Variants in MYO1E observed in about 807,000 individuals in gnomAD.
MYO1E encodes myosin IE, also known as unconventional myosin-Ie.
A neutral mutation model predicts 151.1 loss-of-function variants in MYO1E; 68 were observed. The ratio of observed to expected loss-of-function variants is 0.45; its 90% confidence interval spans 0.37 to 0.55. The LOEUF (loss-of-function observed/expected upper bound fraction) is 0.55, where lower values mean the gene tolerates loss of function less well. Among genes scored for constraint, MYO1E ranks in the 20% least tolerant of loss-of-function variants. MYO1E has a pLI of 0.00. For missense variants in MYO1E, 1,363 were observed against 1,389.3 expected, an observed-to-expected ratio of 0.98 and a Z score of 0.30; for synonymous variants, 601 against 501.7, an observed-to-expected ratio of 1.20 and a Z score of -2.64.
intron 1 of MYO1E, among the ~76,000 whole-genome samples, chr15:59,341,097 T>G (rs1408082198): frequency 6.6e-6 from 1 of 152,122 alleles, no homozygotes; most frequent in Non-Finnish European, 1.5e-5. Flanking sequence ...TTTTAATTTT[T>G]GGGCATATAT....
intron 8 of MYO1E, among the ~76,000 whole-genome samples, chr15:59,224,227 G>C (rs1339605333): frequency 1.3e-5 from 2 of 152,154 alleles, no homozygotes; most frequent in African/African-American, 4.8e-5. Flanking sequence ...ACAGAAAAAG[G>C]GTCCTCTGCC....
In MYO1E at chr15:59,138,427, G is replaced by A. The variant is rs1348494003; in HGVS notation, c.3081-60C>T. On this transcript the variant is annotated intron_variant, in intron 26 of 27. Transcript: ENST00000288235. ...CAACAGGGGGCAGCAGCACCGAACG[G>A]TGGTTTGGAGCATGGCGGCCGGCAC... 4 of 1,587,944 alleles carry A rather than the reference G, an allele frequency of 2.5e-6. No homozygotes were observed. The East Asian group carries it at 6.7e-5, about 27-fold the overall frequency.
chr15:59,208,980 T>A, intron 13 of MYO1E, 132 bp from the exon 14 acceptor site: 1 of 1,111,368 alleles, frequency 9.0e-7, no homozygotes, highest in Non-Finnish European at 1.3e-6. Context: ...GTATTCCCCT[T>A]CAGGCAAGAA....
At chr15:59,228,920 T>C (rs997823793) in intron 6 of MYO1E, among the ~76,000 whole-genome samples, 6 of 152,228 alleles carry the variant, frequency 3.9e-5, no homozygotes, top group African/African-American at 1.2e-4. Flanking sequence ...TAACTGTCTA[T>C]GTGTCTTAAT....
At chr15:59,247,610 T>C (rs2080138057) in intron 4 of MYO1E, among the ~76,000 whole-genome samples, 1 of 152,184 alleles carries the variant, frequency 6.6e-6, no homozygotes, top group South Asian at 2.1e-4. Context: ...CTGATGGTGC[T>C]AACAGCAAGA....
At position 59,136,531 on chromosome 15, in the gene MYO1E, A is replaced by G. The variant is rs2079374030; in HGVS notation, c.*849T>C. The G allele has an allele frequency of 3.1e-6, 1 of 321,718 alleles. No homozygotes were observed. The highest frequency in any genetic ancestry group is 6.2e-6 in the Non-Finnish European group (1 of 160,100). The allele number at this position is 321,718 out of a possible 1,614,324, so 19.9% of individuals were successfully genotyped here. A position where few individuals can be genotyped will look rare whatever the true frequency, so the allele number is the denominator to read the frequency against. ...TTTAAGTACCTGGTGTGAGTTTTGT[A>G]AGAAAACCTACCTTATGAATGAGTA... On this transcript the variant is annotated 3_prime_UTR_variant, in exon 28 of 28. Coordinates refer to ENST00000288235, the MANE Select transcript of MYO1E (RefSeq NM_004998.4).
intron 3 of MYO1E, among the ~76,000 whole-genome samples, chr15:59,260,688 A>G (rs1245771568): frequency 6.6e-6 from 1 of 152,194 alleles, no homozygotes; most frequent in Non-Finnish European, 1.5e-5. Context: ...ATGAAGTAAT[A>G]CAAGATTCAT....
At chr15:59,216,693 C>T (rs1243456734) in intron 10 of MYO1E, among the ~76,000 whole-genome samples, 22 of 9,110 alleles carry the variant, frequency 2.4e-3, no homozygotes, top group South Asian at 6.6e-3. Context: ...TATACACATA[C>T]ACACACACAC....
intron 1 of MYO1E, among the ~76,000 whole-genome samples, chr15:59,280,441 A>G (rs1022183369): frequency 6.6e-6 from 1 of 152,096 alleles, no homozygotes; most frequent in Admixed American, 6.6e-5. Context: ...CCTGGTCAAC[A>G]TTGTGAAACC....
chr15:59,172,033 G>C lies in MYO1E; in HGVS notation c.2344C>G (p.Arg782Gly). Residue 782 changes from arginine to glycine, a missense_variant, in exon 22 of 28, where the codon CGA becomes GGA. Physicochemically the swap from Arg to Gly is moderately radical, Grantham distance 125. Coordinates refer to ENST00000288235, the MANE Select transcript of MYO1E (RefSeq NM_004998.4). ...CACTTTGGGGTAAGGAGCAGGTCTC[G>C]CTTTACACCCTGTAAGGAGAGGAGC... ...KYDRRFKGVK[R>G]DLLLTPKCLY... 1 of 1,613,972 alleles carries C rather than the reference G, an allele frequency of 6.2e-7. No homozygotes were observed. The highest frequency in any genetic ancestry group is 8.5e-7 in the Non-Finnish European group (1 of 1,180,018).
At position 59,236,179 on chromosome 15, in the gene MYO1E, C is replaced by T. The variant is rs113144411; in HGVS notation, c.420+406G>A. Among the ~76,000 whole-genome samples the T allele has an allele frequency of 8.3e-3, 1,263 of 151,772 alleles. 16 individuals carry two copies. Among genetic ancestry groups the T allele is most frequent in the African/African-American group, 0.03 (1,225 of 41,348 alleles). On this transcript the variant is annotated intron_variant, in intron 5 of 27. Transcript: ENST00000288235. ...CAACATAGTGAAACCCCCGTCTCTA[C>T]TAAAAATACAAAAATTAGCTGGGCA... is the stretch of plus-strand genomic sequence containing the variant.
chr15:59,346,665 G>A (rs182144445), intron 1 of MYO1E, among the ~76,000 whole-genome samples: 58 of 152,266 alleles, frequency 3.8e-4, no homozygotes, highest in African/African-American at 1.3e-3. Flanking sequence ...GGTGTCTCAC[G>A]ACTGTAATCC....
intron 1 of MYO1E, among the ~76,000 whole-genome samples, chr15:59,295,832 C>A (rs539385174): frequency 6.6e-6 from 1 of 152,294 alleles, no homozygotes; most frequent in Admixed American, 6.5e-5. Context: ...TCCAGCTCAT[C>A]TGCTTTGGAG....
At chr15:59,158,225 ATATTT>A (rs1416332738) in intron 25 of MYO1E, 57 bp downstream of exon 25, 3 of 1,372,928 alleles carry the variant, frequency 2.2e-6, no homozygotes, top group East Asian at 5.0e-5. Flanking sequence ...CTTCCCAAAC[ATATTT>A]TATAAGTTAT....
intron 1 of MYO1E, among the ~76,000 whole-genome samples, chr15:59,317,660 G>A (rs1280807237): frequency 2.0e-5 from 3 of 152,064 alleles, no homozygotes; most frequent in Non-Finnish European, 2.9e-5. Context: ...TCTGTTCTTC[G>A]GAACAGTAAA....
At chr15:59,153,936 T>C in intron 25 of MYO1E, 145 bp from the exon 26 acceptor site, 1 of 767,294 alleles carries the variant, frequency 1.3e-6, no homozygotes, top group Non-Finnish European at 2.2e-6. Flanking sequence ...ATGGAAGGCA[T>C]CACTGCTAAC....
chr15:59,134,157 A>C lies in MYO1E; in HGVS notation c.*3223T>G, dbSNP rs2079359084. 6.6e-6 allele frequency: 1 copy of C among 152,290 alleles called. No individual in the cohort carries two copies. The highest frequency in any genetic ancestry group is 2.4e-5 in the African/African-American group (1 of 41,448). 9.4% of individuals were successfully genotyped at this position (152,290 alleles called of 1,614,324 possible). Reference sequence around the variant, plus strand: ...GGTGGACATGGTGTGCACACAGGGCAGGTCCTTTAAGGAGGAAACTGCACG... The same window carrying C: ...GGTGGACATGGTGTGCACACAGGGCCGGTCCTTTAAGGAGGAAACTGCACG... On this transcript the variant is annotated 3_prime_UTR_variant, in exon 28 of 28. Coordinates refer to ENST00000288235, the MANE Select transcript of MYO1E (RefSeq NM_004998.4).
At chr15:59,190,859 G>T (rs1404654559) in intron 17 of MYO1E, among the ~76,000 whole-genome samples, 5 of 152,184 alleles carry the variant, frequency 3.3e-5, no homozygotes, top group African/African-American at 9.7e-5. Context: ...ACAGCACAGG[G>T]ATTCTCAGGA....
At chr15:59,343,842 A>T (rs957137156) in intron 1 of MYO1E, among the ~76,000 whole-genome samples, 17 of 152,018 alleles carry the variant, frequency 1.1e-4, no homozygotes, top group African/African-American at 4.1e-4. Flanking sequence ...GCAGCTCGAG[A>T]ATTTCTGCCT....
Sources: gnomAD v4.1 joint callset for allele counts (sites outside exome capture counted in the v4.1 genomes callset) on GRCh38, gnomAD v4.1.1 for gene constraint, MANE v1.5 for transcripts, NCBI Gene and HGNC (gene_info 2026-07-23, HGNC 2026-07-21) for gene names.